The following SLC44A5 variants were observed in gnomAD, a reference collection of about 807,000 sequenced individuals.
SLC44A5 encodes the protein solute carrier family 44 member 5.
SLC44A5 carries 57 observed loss-of-function variants against 101.8 expected under a neutral mutation model. That is an observed-to-expected ratio of 0.56 (90% CI 0.45 to 0.70). The LOEUF (loss-of-function observed/expected upper bound fraction) is 0.70. SLC44A5 is among the 30% of genes least tolerant of loss of function. The pLI is 0.00. For missense variants in SLC44A5, 737 were observed against 853.1 expected, an observed-to-expected ratio of 0.86 and a Z score of 1.70; for synonymous variants, 281 against 290.9, an observed-to-expected ratio of 0.97 and a Z score of 0.35.
At chr1:75,512,120 A>G (rs533612157) in intron 2 of SLC44A5, among the ~76,000 whole-genome samples, 17 of 152,340 alleles carry the variant, frequency 1.1e-4, no homozygotes, top group African/African-American at 3.6e-4. Context: ...CGTAAAAAAT[A>G]AAAGCGTTGA....
chr1:75,654,505 C>A, the SLC44A5 span, among the ~76,000 whole-genome samples: 2 of 152,074 alleles, frequency 1.3e-5, no homozygotes, highest in Non-Finnish European at 2.9e-5. Context: ...AGAAAGATAC[C>A]AACAAAAGTT....
At chr1:75,560,483 G>C (rs541966293) in intron 1 of SLC44A5, among the ~76,000 whole-genome samples, 1 of 152,240 alleles carries the variant, frequency 6.6e-6, no homozygotes, top group South Asian at 2.1e-4. Context: ...TTTTAGGGGA[G>C]ACAAAATCTT....
At chr1:75,288,653 A>G (rs559794073) in intron 5 of SLC44A5, among the ~76,000 whole-genome samples, 2 of 152,340 alleles carry the variant, frequency 1.3e-5, no homozygotes, top group African/African-American at 4.8e-5. Context: ...CTTAAGCTCA[A>G]CCAAGTCATC....
At position 75,289,790 on chromosome 1, in the gene SLC44A5, G is replaced by A. The variant is rs150306535; in HGVS notation, c.175+10822C>T. Reference sequence around the variant, plus strand: ...ATTTTTCTGGTTGTCTACTTTGACCGAAAGAGTAGAAGATCTGAATCATTT... The same window carrying A: ...ATTTTTCTGGTTGTCTACTTTGACCAAAAGAGTAGAAGATCTGAATCATTT... On this transcript the variant is annotated intron_variant, in intron 5 of 23. Transcript: ENST00000370859. Among the ~76,000 whole-genome samples, 812 of 152,280 alleles carry A rather than the reference G, an allele frequency of 5.3e-3. 10 individuals carry two copies. The highest frequency in any genetic ancestry group is 0.019 in the African/African-American group (781 of 41,562).
At chr1:75,489,426 G>T (rs1042587365) in intron 2 of SLC44A5, among the ~76,000 whole-genome samples, 7 of 152,088 alleles carry the variant, frequency 4.6e-5, no homozygotes, top group African/African-American at 1.7e-4. Flanking sequence ...CTGTCTTTAC[G>T]CTCACCCTGT....
intron 5 of SLC44A5, among the ~76,000 whole-genome samples, chr1:75,284,429 T>A (rs1342969432): frequency 6.6e-6 from 1 of 152,134 alleles, no homozygotes; most frequent in Non-Finnish European, 1.5e-5. Context: ...TAGGGTTTTC[T>A]AGGTAGACAA....
chr1:75,292,041 A>C (rs893873867), intron 5 of SLC44A5, among the ~76,000 whole-genome samples: 1 of 151,418 alleles, frequency 6.6e-6, no homozygotes, highest in African/African-American at 2.4e-5. Flanking sequence ...AAAAGAAAGC[A>C]GGGTAAAGCG....
At chr1:75,309,925 T>C (rs1655176082) in intron 4 of SLC44A5, among the ~76,000 whole-genome samples, 1 of 152,222 alleles carries the variant, frequency 6.6e-6, no homozygotes, top group African/African-American at 2.4e-5. Flanking sequence ...AAATTCTTTT[T>C]TGTGAATATT....
chr1:75,227,706 C>G lies in SLC44A5; in HGVS notation c.985+20G>C. The G allele has an allele frequency of 1.3e-6, 2 of 1,531,648 alleles. No homozygotes were observed. The highest frequency in any genetic ancestry group is 1.7e-6 in the Non-Finnish European group (2 of 1,148,832). 94.9% of individuals were successfully genotyped at this position (1,531,648 alleles called of 1,614,324 possible). A position where few individuals can be genotyped will look rare whatever the true frequency, so the allele number is the denominator to read the frequency against. ...TCTCATTATTACAATTTTAATGAAA[C>G]CAGTTTTTAAAATACTCACTAAATG... is the stretch of plus-strand genomic sequence containing the variant. On this transcript the variant is annotated intron_variant, in intron 13 of 23. Transcript: ENST00000370859.
intron 1 of SLC44A5, among the ~76,000 whole-genome samples, chr1:75,576,710 A>G (rs2102055550): frequency 6.6e-6 from 1 of 152,294 alleles, no homozygotes; most frequent in East Asian, 1.9e-4. Context: ...ATAAGTCTAT[A>G]TGATTCAACA....
chr1:75,378,677 T>C (rs1436460266), intron 3 of SLC44A5, among the ~76,000 whole-genome samples: 1 of 80,562 alleles, frequency 1.2e-5, no homozygotes, highest in Non-Finnish European at 2.1e-5. Context: ...TCCTGAAACG[T>C]TAAAATTAGA....
the SLC44A5 span, among the ~76,000 whole-genome samples, chr1:75,647,432 T>C: frequency 6.6e-5 from 10 of 152,238 alleles, 1 homozygote; most frequent in South Asian, 1.7e-3. Flanking sequence ...AGAGCCCCAA[T>C]ATAGAGTCCC....
intron 2 of SLC44A5, among the ~76,000 whole-genome samples, chr1:75,467,949 C>T (rs1182785863): frequency 6.6e-6 from 1 of 151,792 alleles, no homozygotes; most frequent in Non-Finnish European, 1.5e-5. Context: ...AGATTCATAA[C>T]CAGAATACAT....
intron 5 of SLC44A5, among the ~76,000 whole-genome samples, chr1:75,288,976 T>C (rs554238265): frequency 3.9e-5 from 6 of 152,268 alleles, no homozygotes; most frequent in East Asian, 1.9e-4. Context: ...ATCTGGGGAA[T>C]AGTGGTTAGC....
chr1:75,484,319 C>T (rs1668036063), intron 2 of SLC44A5, among the ~76,000 whole-genome samples: 1 of 152,144 alleles, frequency 6.6e-6, no homozygotes, highest in Non-Finnish European at 1.5e-5. Flanking sequence ...GTTTCCATTC[C>T]AAATGGGAGA....
At chr1:75,688,980 G>C in the SLC44A5 span, among the ~76,000 whole-genome samples, 1 of 152,126 alleles carries the variant, frequency 6.6e-6, no homozygotes, top group African/African-American at 2.4e-5. Flanking sequence ...CAAATACTGA[G>C]AGACACCAAT....
chr1:75,278,541 T>C (rs1652123192), intron 5 of SLC44A5, among the ~76,000 whole-genome samples: 1 of 152,114 alleles, frequency 6.6e-6, no homozygotes, highest in African/African-American at 2.4e-5. Flanking sequence ...GCCAAACTCA[T>C]AATTTCCTTT....
chr1:75,516,874 C>T (rs1232260933), intron 2 of SLC44A5, among the ~76,000 whole-genome samples: 2 of 152,136 alleles, frequency 1.3e-5, no homozygotes, highest in African/African-American at 2.4e-5. Context: ...TTCAAAGTGG[C>T]TCTTAGCTGC....
At chr1:75,426,914 T>C (rs1247498769) in intron 2 of SLC44A5, among the ~76,000 whole-genome samples, 1 of 152,238 alleles carries the variant, frequency 6.6e-6, no homozygotes, top group Non-Finnish European at 1.5e-5. Context: ...AGCGTCCATC[T>C]TTCAGCGCTG....
Sources: gnomAD v4.1 joint callset for allele counts (sites outside exome capture counted in the v4.1 genomes callset) on GRCh38, gnomAD v4.1.1 for gene constraint, MANE v1.5 for transcripts, NCBI Gene and HGNC (gene_info 2026-07-23, HGNC 2026-07-21) for gene names.